Variants in PSMD13 observed in about 807,000 individuals in gnomAD.
PSMD13 encodes the protein 26S proteasome non-ATPase regulatory subunit 13.
In PSMD13, 8 loss-of-function variants were observed where a neutral mutation model predicts 57.4. The observed-to-expected ratio is 0.14, with a 90% CI of 0.08 to 0.25. The LOEUF is 0.25. Among genes scored for constraint, PSMD13 ranks in the 10% least tolerant of loss-of-function variants. The pLI is 1.00. For missense variants in PSMD13, 400 were observed against 461.5 expected (o/e 0.87, Z 1.22); for synonymous variants, 193 against 168.2 (o/e 1.15, Z -1.14).
In PSMD13 at chr11:251,409, A is replaced by G. The variant is rs1018115199; in HGVS notation, c.838-137A>G. The G allele has an allele frequency of 1.4e-6, 1 of 723,100 alleles. No homozygotes were observed. Among genetic ancestry groups the G allele is most frequent in the African/African-American group, 1.8e-5 (1 of 55,930 alleles). 44.8% of individuals were successfully genotyped at this position (723,100 alleles called of 1,614,324 possible). A position where few individuals can be genotyped will look rare whatever the true frequency, so the allele number is the denominator to read the frequency against. Reference sequence around the variant, plus strand: ...CTTGTTCTTAACAAGATATATGTCTAATATTAGGAAACTTTTTAGTATGTG... The same window carrying G: ...CTTGTTCTTAACAAGATATATGTCTGATATTAGGAAACTTTTTAGTATGTG... On this transcript the variant is annotated intron_variant, in intron 10 of 12. Transcript: ENST00000532097. This position sits in a 1 kb window ranked among gnomAD's most constrained non-coding sequence, Gnocchi z 4.6.
intron 1 of PSMD13, among the ~76,000 whole-genome samples, 185 bp from the exon 2 acceptor site, chr11:238,813 T>C (rs972900543): frequency 6.6e-6 from 1 of 152,248 alleles, no homozygotes; most frequent in Non-Finnish European, 1.5e-5. Context: ...CCAGTGGTCA[T>C]TTCCTTTGAG....
chr11:248,625 A>T, intron 7 of PSMD13, 151 bp from the exon 8 acceptor site: 1 of 720,964 alleles, frequency 1.4e-6, no homozygotes, highest in East Asian at 2.7e-5. Flanking sequence ...AAGTCAACCC[A>T]ATACTTCAGA....
At chr11:243,482 C>G (rs1305648063) in intron 2 of PSMD13, 1 of 302,920 alleles carries the variant, frequency 3.3e-6, no homozygotes, top group Admixed American at 4.2e-5. Context: ...TACAAATAAA[C>G]CTGAACATAG....
Position 252,893 on chromosome 11 carries a change from G to A in PSMD13, c.*293G>A, listed in dbSNP as rs1312063423. ...AGGCCCCCTGAAGTCTGTGTACTCC[G>A]AGGTGGATCTCCATCCCCATCCACC... On this transcript the variant is annotated 3_prime_UTR_variant, in exon 13 of 13. Coordinates refer to ENST00000532097, the MANE Select transcript of PSMD13 (RefSeq NM_002817.4). The surrounding 1 kb of genome is among the most constrained non-coding windows in gnomAD (Gnocchi z 4.1). The A allele has an allele frequency of 1.5e-5, 5 of 334,716 alleles. No individual in the cohort carries two copies. Among genetic ancestry groups the A allele is most frequent in the East Asian group, 5.0e-5 (1 of 19,870 alleles). 20.7% of individuals were successfully genotyped at this position (334,716 alleles called of 1,614,324 possible).
chr11:237,731 A>G (rs1318080215), intron 1 of PSMD13, among the ~76,000 whole-genome samples: 2 of 152,172 alleles, frequency 1.3e-5, no homozygotes, highest in Non-Finnish European at 2.9e-5. Context: ...TGTATTTCTC[A>G]TGGGCTTTCT....
intron 6 of PSMD13, 147 bp downstream of exon 6, chr11:244,908 A>C (rs1859597993): frequency 1.8e-6 from 1 of 561,314 alleles, no homozygotes; most frequent in Non-Finnish European, 3.0e-6. Context: ...AAGAACTACT[A>C]TACCCCAACC....
In PSMD13 at chr11:252,819, G is replaced by C; in HGVS notation, c.*219G>C. The C allele has an allele frequency of 1.9e-6, 1 of 528,488 alleles. No homozygotes were observed. Among genetic ancestry groups the C allele is most frequent in the South Asian group, 2.2e-5 (1 of 44,730 alleles). 32.7% of individuals were successfully genotyped at this position (528,488 alleles called of 1,614,324 possible). A position where few individuals can be genotyped will look rare whatever the true frequency, so the allele number is the denominator to read the frequency against. On this transcript the variant is annotated 3_prime_UTR_variant, in exon 13 of 13. Coordinates refer to ENST00000532097, the MANE Select transcript of PSMD13 (RefSeq NM_002817.4). The surrounding 1 kb of genome is among the most constrained non-coding windows in gnomAD (Gnocchi z 4.1). Reference sequence around the variant, plus strand: ...GTGGGTCTCTCCTGCAGAGGGTGGGGGTCTCAGGGTCTTAGGTGATACGGG... The same window carrying C: ...GTGGGTCTCTCCTGCAGAGGGTGGGCGTCTCAGGGTCTTAGGTGATACGGG...
In PSMD13 at chr11:252,052, G is replaced by T; in HGVS notation, c.1035+116G>T. On this transcript the variant is annotated intron_variant, in intron 12 of 12. Coordinates refer to ENST00000532097, the MANE Select transcript of PSMD13 (RefSeq NM_002817.4). The surrounding 1 kb of genome is among the most constrained non-coding windows in gnomAD (Gnocchi z 4.1). ...GGAAGACAGCATTATTAGACAAGAG[G>T]TTTTGGAGAAGGAAATACTGCTGTT... 1.0e-6 allele frequency: 1 copy of T among 995,970 alleles called. No individual in the cohort carries two copies. The highest frequency in any genetic ancestry group is 1.5e-6 in the Non-Finnish European group (1 of 657,588). 61.7% of individuals were successfully genotyped at this position (995,970 alleles called of 1,614,324 possible). A position where few individuals can be genotyped will look rare whatever the true frequency, so the allele number is the denominator to read the frequency against.
intron 4 of PSMD13, 67 bp downstream of exon 4, chr11:244,283 C>T (rs972825980): frequency 2.5e-6 from 4 of 1,590,036 alleles, no homozygotes; most frequent in African/African-American, 2.7e-5. Context: ...TATAAGTTAA[C>T]TGAACTTTTG....
At chr11:241,163 A>G (rs1196106556) in intron 2 of PSMD13, among the ~76,000 whole-genome samples, 1 of 143,638 alleles carries the variant, frequency 7.0e-6, no homozygotes, top group African/African-American at 2.6e-5. Context: ...GCAAAGGGAC[A>G]GAGTCTCGCA....
Position 251,370 on chromosome 11 carries a change from C to G in PSMD13, c.838-176C>G. ...GGCATTTTGCTGTTATCCTTCTTAT[C>G]TAAGCATTAAAAGCTTGTTCTTAAC... On this transcript the variant is annotated intron_variant, in intron 10 of 12. Transcript: ENST00000532097. The surrounding 1 kb of genome is among the most constrained non-coding windows in gnomAD (Gnocchi z 4.6). The G allele has an allele frequency of 1.7e-6, 1 of 605,236 alleles. No homozygotes were observed. 37.5% of individuals were successfully genotyped at this position (605,236 alleles called of 1,614,324 possible). A position where few individuals can be genotyped will look rare whatever the true frequency, so the allele number is the denominator to read the frequency against.
chr11:248,613 C>CT, intron 7 of PSMD13, 163 bp from the exon 8 acceptor site: 1 of 674,270 alleles, frequency 1.5e-6, no homozygotes, highest in Non-Finnish European at 2.5e-6. Context: ...TTGGTATAAT[C>CT]TAAGTCAACC....
intron 1 of PSMD13, among the ~76,000 whole-genome samples, chr11:237,696 C>T (rs1266826260): frequency 2.0e-5 from 3 of 152,222 alleles, no homozygotes; most frequent in Non-Finnish European, 4.4e-5. Flanking sequence ...ACCACTTCCG[C>T]CGTCCCATTG....
intron 7 of PSMD13, 132 bp downstream of exon 7, chr11:247,580 C>T (rs1859678501): frequency 2.0e-6 from 2 of 1,023,270 alleles, no homozygotes; most frequent in East Asian, 5.4e-5. Context: ...GCCTGTAATC[C>T]CAGCACTTTG....
chr11:250,771 A>G lies in PSMD13; in HGVS notation c.775-32A>G, dbSNP rs748809820. 8.7e-6 allele frequency: 14 copies of G among 1,602,064 alleles called. No homozygotes were observed. The Admixed American group carries it at 1.8e-4, about 21-fold the overall frequency. On this transcript the variant is annotated intron_variant, in intron 9 of 12. Transcript: ENST00000532097. The stretch of plus-strand genomic sequence containing the variant: ...AAGTAACTGATAAGCACAAACATGG[A>G]AGACATTTTTCTGTCTTTCTATACT...
intron 7 of PSMD13, chr11:247,757 C>T (rs555997280): frequency 1.8e-4 from 37 of 206,940 alleles, no homozygotes; most frequent in Non-Finnish European, 2.6e-4. Flanking sequence ...CACTTGAACT[C>T]GGGAGGTGGA....
chr11:250,717 G>T, intron 9 of PSMD13, 86 bp from the exon 10 acceptor site: 1 of 1,281,354 alleles, frequency 7.8e-7, no homozygotes. Flanking sequence ...TGGGTCTACT[G>T]TTATAGAACG....
In PSMD13 at chr11:237,130, G is replaced by A. The variant is rs767953438; in HGVS notation, c.81G>A (p.Glu27=). Residue 27 remains glutamate (E), a synonymous_variant, in exon 1 of 13, where the codon GAG becomes GAA. Transcript: ENST00000532097. ...GQPAVWHRLE[E]LYTKKLWHQL... ...CCGCTGTGTGGCACCGTCTGGAGGAGCTCTACACGAAGAAGTGAGCGCCGA... is the reference window on the plus strand; with the variant it reads ...CCGCTGTGTGGCACCGTCTGGAGGAACTCTACACGAAGAAGTGAGCGCCGA... The A allele has an allele frequency of 5.6e-6, 9 of 1,612,998 alleles. 1 individual carries two copies. In the South Asian group the frequency reaches 7.7e-5, roughly 14 times the overall value.
chr11:251,576 C>T lies in PSMD13; in HGVS notation c.868C>T (p.Gln290Ter), dbSNP rs1859765308. 6.2e-7 allele frequency: 1 copy of T among 1,613,942 alleles called. No homozygotes were observed. The highest frequency in any genetic ancestry group is 8.5e-7 in the Non-Finnish European group (1 of 1,179,942). Residue 290 changes from glutamine to a stop codon, truncating the protein, a stop_gained, in exon 11 of 13, where the codon CAA becomes TAA. Coordinates refer to ENST00000532097, the MANE Select transcript of PSMD13 (RefSeq NM_002817.4). LOFTEE classifies it high-confidence loss of function. The surrounding 1 kb of genome is among the most constrained non-coding windows in gnomAD (Gnocchi z 4.6). ...TTTCACACGACCTGCCAATCACAGA[C>T]AACTCACTTTTGAAGAAATTGCCAA... Reference protein sequence around the residue: ...MTFTRPANHRQLTFEEIAKSA... With the variant: ...MTFTRPANHR
Sources: gnomAD v4.1 joint callset for allele counts (sites outside exome capture counted in the v4.1 genomes callset) on GRCh38, gnomAD v4.1.1 for gene constraint, Gnocchi (gnomAD v3.1) non-coding constraint, MANE v1.5 for transcripts, NCBI Gene and HGNC (gene_info 2026-07-23, HGNC 2026-07-21) for gene names.